Variants in RPP40 observed in about 807,000 individuals in gnomAD.
RPP40 encodes ribonuclease P protein subunit p40.
Under a neutral mutation model 42.5 loss-of-function variants are expected in RPP40, and 30 were observed. The observed-to-expected ratio is 0.71, with a 90% CI of 0.53 to 0.96. The LOEUF (loss-of-function observed/expected upper bound fraction) is 0.96. Among genes scored for constraint, RPP40 ranks in the 40% least tolerant of loss-of-function variants. RPP40 has a pLI of 0.00. For missense variants in RPP40, 426 were observed against 433.5 expected, an observed-to-expected ratio of 0.98 and a Z score of 0.15; for synonymous variants, 173 against 164.0, an observed-to-expected ratio of 1.05 and a Z score of -0.42.
intron 3 of RPP40, 34 bp from the exon 4 acceptor site, chr6:4,999,938 A>G (rs776308385): frequency 7.7e-7 from 1 of 1,299,278 alleles, no homozygotes; most frequent in Admixed American, 1.8e-5. Flanking sequence ...ATAAGATACC[A>G]AAACTAGAAC....
downstream of RPP40, among the ~76,000 whole-genome samples, chr6:4,991,703 G>T (rs1759263614): frequency 6.6e-6 from 1 of 152,098 alleles, no homozygotes; most frequent in Non-Finnish European, 1.5e-5. Context: ...TTGTTATGAG[G>T]TGTGTGTTGT....
chr6:4,990,684 T>TTGTCCAGTC (rs1759248755), downstream of RPP40, among the ~76,000 whole-genome samples: 1 of 151,192 alleles, frequency 6.6e-6, no homozygotes, highest in Non-Finnish European at 1.5e-5. Context: ...TCTCGCTATG[T>TTGTCCAGTC]TGTCCAGTCT....
At chr6:4,996,531 G>A in intron 5 of RPP40, 111 bp from the exon 6 acceptor site, 1 of 959,972 alleles carries the variant, frequency 1.0e-6, no homozygotes, top group South Asian at 1.5e-5. Context: ...TGAGTAAGAT[G>A]GAAGCTGTGC....
intron 2 of RPP40, among the ~76,000 whole-genome samples, chr6:5,000,922 C>CCAAGCATGCAGAAGAA (rs1167807635): frequency 4.7e-4 from 68 of 145,344 alleles, no homozygotes; most frequent in African/African-American, 1.7e-3. Context: ...ATGCAGAAGA[C>CCAAGCATGCAGAAGAA]CAAGCATGCA....
intron 4 of RPP40, among the ~76,000 whole-genome samples, chr6:4,999,593 G>C (rs1401853225): frequency 6.6e-6 from 1 of 152,100 alleles, no homozygotes; most frequent in African/African-American, 2.4e-5. Flanking sequence ...TAATTGACCA[G>C]TCCAAGTCTA....
chr6:4,993,802 A>T (rs1223834962), downstream of RPP40, among the ~76,000 whole-genome samples: 1 of 152,128 alleles, frequency 6.6e-6, no homozygotes, highest in African/African-American at 2.4e-5. Flanking sequence ...TGCTGTTCAC[A>T]GGGGTTGGGG....
Position 4,995,909 on chromosome 6 carries a change from A to G in RPP40, c.893+42T>C, listed in dbSNP as rs1435055328. The G allele has an allele frequency of 5.0e-6, 8 of 1,595,134 alleles. No individual in the cohort carries two copies. The East Asian group carries it at 8.9e-5, about 18-fold the overall frequency. ...TCTATACTATTCGACATACTGTTCT[A>G]TAGAGCACTGATGAGCGATATAAAA... is the stretch of plus-strand genomic sequence containing the variant. On this transcript the variant is annotated intron_variant, in intron 7 of 7. Coordinates refer to ENST00000380051, the MANE Select transcript of RPP40 (RefSeq NM_006638.4).
intron 4 of RPP40, among the ~76,000 whole-genome samples, chr6:4,999,193 G>T (rs1311876234): frequency 2.0e-5 from 3 of 152,004 alleles, no homozygotes; most frequent in African/African-American, 7.2e-5. Context: ...TCACTCATGG[G>T]TGAATTTCTA....
chr6:5,003,757 G>A, intron 1 of RPP40, 123 bp downstream of exon 1: 2 of 1,284,858 alleles, frequency 1.6e-6, no homozygotes, highest in Non-Finnish European at 2.1e-6. Context: ...CAAGCCGGGC[G>A]AGGGCCCCGC....
downstream of RPP40, among the ~76,000 whole-genome samples, chr6:4,991,521 A>G (rs1033290603): frequency 9.2e-5 from 14 of 152,310 alleles, no homozygotes; most frequent in South Asian, 2.1e-4. Context: ...GTAAATGTCA[A>G]TCGGGTCAAG....
intron 1 of RPP40, among the ~76,000 whole-genome samples, chr6:5,003,368 G>A (rs2764111): frequency 0.87 from 107,524 of 123,106 alleles, 47,197 homozygotes; most frequent in East Asian, 0.99. Context: ...AAAAAAAAAA[G>A]GAAAATCAGT....
chr6:4,993,225 C>T (rs1759285016), downstream of RPP40, among the ~76,000 whole-genome samples: 1 of 152,186 alleles, frequency 6.6e-6, no homozygotes, highest in African/African-American at 2.4e-5. Flanking sequence ...GGGTGACAGT[C>T]TTTCAGCTTT....
At position 4,994,968 on chromosome 6, in the gene RPP40, T is replaced by C; in HGVS notation, c.*110A>G. On this transcript the variant is annotated 3_prime_UTR_variant, in exon 8 of 8. Transcript: ENST00000380051. ...GGCAGGATGCCAGCAAATGCTGATC[T>C]GAGAAATGTCACCATCACACAAGCC... 1 of 978,974 alleles carries C rather than the reference T, an allele frequency of 1.0e-6. No individual in the cohort carries two copies. 60.6% of individuals were successfully genotyped at this position (978,974 alleles called of 1,614,324 possible).
chr6:4,992,989 C>G (rs1002623761), downstream of RPP40, among the ~76,000 whole-genome samples: 8 of 152,112 alleles, frequency 5.3e-5, no homozygotes, highest in African/African-American at 1.9e-4. Flanking sequence ...CATGATTCTC[C>G]TCTCCTAATC....
chr6:4,996,447 T>A, intron 5 of RPP40, 27 bp from the exon 6 acceptor site: 2 of 1,608,676 alleles, frequency 1.2e-6, no homozygotes, highest in Non-Finnish European at 8.5e-7. Flanking sequence ...ACAAGGCCAT[T>A]TGAATCCATC....
chr6:5,003,752 C>G (rs968619951), intron 1 of RPP40, 128 bp downstream of exon 1: 2 of 1,237,188 alleles, frequency 1.6e-6, no homozygotes, highest in Non-Finnish European at 2.2e-6. Flanking sequence ...CCCAGCAAGC[C>G]GGGCGAGGGC....
At position 4,998,808 on chromosome 6, in the gene RPP40, T is replaced by C. The variant is rs151207490; in HGVS notation, c.467A>G (p.Asn156Ser). Residue 156 changes from asparagine to serine, a missense_variant, in exon 5 of 8, where the codon AAC (asparagine) becomes AGC (serine). Physicochemically the swap from Asn to Ser is conservative, Grantham distance 46 (BLOSUM62 1). Coordinates refer to ENST00000380051, the MANE Select transcript of RPP40 (RefSeq NM_006638.4). ...TCTTTCATACTTCTTAGAATCCAAG[T>C]TTAAGGATAATTCCATCAAATCAAT... ...VSIDLMELSL[N>S]LDSKKYERIS... 1,554 of 1,482,020 alleles carry C rather than the reference T, an allele frequency of 1.0e-3. 19 individuals carry two copies. The African/African-American group carries it at 0.02, about 19-fold the overall frequency. 91.8% of individuals were successfully genotyped at this position (1,482,020 alleles called of 1,614,324 possible).
intron 1 of RPP40, 154 bp downstream of exon 1, chr6:5,003,726 T>C (rs1003599819): frequency 3.1e-6 from 3 of 958,134 alleles, no homozygotes; most frequent in Non-Finnish European, 4.5e-6. Flanking sequence ...CTTAGAGCAG[T>C]TAAGAGACTA....
At position 5,003,589 on chromosome 6, in the gene RPP40, C is replaced by G. The variant is rs959372455; in HGVS notation, c.123+291G>C. 18 of 306,118 alleles carry G rather than the reference C, an allele frequency of 5.9e-5. 1 individual carries two copies. In the South Asian group the frequency reaches 8.2e-4, roughly 14 times the overall value. 19.0% of individuals were successfully genotyped at this position (306,118 alleles called of 1,614,324 possible). ...TCGAATCCCTCCCTGGACTCACTCC[C>G]AGTTCGGCGGGTTGACACGAGTGAG... On this transcript the variant is annotated intron_variant, in intron 1 of 7. Coordinates refer to ENST00000380051, the MANE Select transcript of RPP40 (RefSeq NM_006638.4).
Sources: allele counts gnomAD v4.1 joint callset (sites outside exome capture counted in the v4.1 genomes callset), GRCh38; gene constraint gnomAD v4.1.1; transcripts MANE v1.5; gene names NCBI Gene and HGNC (gene_info 2026-07-23, HGNC 2026-07-21).